The following DCAF7 variants were observed in gnomAD, a reference collection of about 807,000 sequenced individuals.
The protein encoded by DCAF7 is DDB1- and CUL4-associated factor 7.
In DCAF7, 4 loss-of-function variants were observed where a neutral mutation model predicts 41.2. The observed-to-expected ratio is 0.10, with a 90% CI of 0.05 to 0.22. The LOEUF (loss-of-function observed/expected upper bound fraction) is 0.22, where lower values mean the gene tolerates loss of function less well. DCAF7 is among the 10% of genes least tolerant of loss of function. The pLI is 1.00. For synonymous variants in DCAF7, 143 were observed against 164.2 expected, an observed-to-expected ratio of 0.87 and a Z score of 0.99; for missense variants, 131 against 443.2, an observed-to-expected ratio of 0.30 and a Z score of 6.32.
rs2033737020 is a variant in DCAF7, at chr17:63,591,882, T to G, written c.*2710T>G. The G allele has an allele frequency of 6.6e-6, 1 of 152,332 alleles. No homozygotes were observed. Among genetic ancestry groups the G allele is most frequent in the African/African-American group, 2.4e-5 (1 of 41,464 alleles). The allele number at this position is 152,332 out of a possible 1,614,324, so 9.4% of individuals were successfully genotyped here. A position where few individuals can be genotyped will look rare whatever the true frequency, so the allele number is the denominator to read the frequency against. On this transcript the variant is annotated 3_prime_UTR_variant, in exon 7 of 7. Transcript: ENST00000614556. ...GTGGCCCAGCTGGTGATGGCCCTTT[T>G]GCTCCTGGCAGCCTGAGGCACAGCT...
intron 6 of DCAF7, among the ~76,000 whole-genome samples, chr17:63,588,189 AT>A (rs377638787): frequency 9.5e-4 from 114 of 120,192 alleles, no homozygotes; most frequent in Admixed American, 1.8e-3. Context: ...ATTTTCTTGG[AT>A]TTTTTTTTTT....
intron 6 of DCAF7, 117 bp downstream of exon 6, chr17:63,585,445 A>G: frequency 2.1e-6 from 2 of 936,192 alleles, no homozygotes; most frequent in Non-Finnish European, 3.3e-6. Context: ...TTTATACAAA[A>G]TGACTAGTTG....
At position 63,591,230 on chromosome 17, in the gene DCAF7, G is replaced by C. The variant is rs1005494726; in HGVS notation, c.*2058G>C. 2.0e-5 allele frequency: 3 copies of C among 152,252 alleles called. No homozygotes were observed. Among genetic ancestry groups the C allele is most frequent in the Non-Finnish European group, 4.4e-5 (3 of 68,106 alleles). The allele number at this position is 152,252 out of a possible 1,614,324, so 9.4% of individuals were successfully genotyped here. On this transcript the variant is annotated 3_prime_UTR_variant, in exon 7 of 7. Transcript: ENST00000614556. ...GAAGGGTCTGAAATGGAAGTCAGTGGTAGAAGGGGCTGGTCTGCTGGGCAG... is the reference window on the plus strand; with the variant it reads ...GAAGGGTCTGAAATGGAAGTCAGTGCTAGAAGGGGCTGGTCTGCTGGGCAG...
chr17:63,573,686 C>T (rs1468008113), intron 1 of DCAF7, among the ~76,000 whole-genome samples: 3 of 151,086 alleles, frequency 2.0e-5, no homozygotes, highest in Non-Finnish European at 4.4e-5. Flanking sequence ...ACCAAGATTG[C>T]GCCATTGCAC....
At chr17:63,568,686 T>C (rs2033471649) in intron 1 of DCAF7, among the ~76,000 whole-genome samples, 1 of 152,178 alleles carries the variant, frequency 6.6e-6, no homozygotes, top group African/African-American at 2.4e-5. Context: ...AGGGAGGTTT[T>C]CATTCAAGGG....
At chr17:63,552,597 A>G (rs1276296051) in intron 1 of DCAF7, 1 of 152,232 alleles carries the variant, frequency 6.6e-6, no homozygotes, top group East Asian at 1.9e-4. Flanking sequence ...GTTTAAAGAT[A>G]CACGTGGAAA....
At chr17:63,553,755 G>A (rs951364076) in intron 1 of DCAF7, among the ~76,000 whole-genome samples, 2 of 152,166 alleles carry the variant, frequency 1.3e-5, no homozygotes, top group Non-Finnish European at 2.9e-5. Flanking sequence ...GCATAATCAT[G>A]TTTTCCTAAC....
At chr17:63,586,125 CAAAAAAA>C (rs545840925) in intron 6 of DCAF7, among the ~76,000 whole-genome samples, 7 of 58,440 alleles carry the variant, frequency 1.2e-4, no homozygotes, top group African/African-American at 1.8e-4. Context: ...ACTCTGTCTC[CAAAAAAA>C]AAAAAAAAAA....
intron 4 of DCAF7, among the ~76,000 whole-genome samples, chr17:63,580,685 A>G (rs936051440): frequency 2.0e-5 from 3 of 151,612 alleles, no homozygotes; most frequent in African/African-American, 7.3e-5. Context: ...CCCCTGGCTA[A>G]TTTTTGTATT....
intron 1 of DCAF7, among the ~76,000 whole-genome samples, chr17:63,574,312 T>G (rs1359547542): frequency 6.6e-6 from 1 of 152,210 alleles, no homozygotes; most frequent in African/African-American, 2.4e-5. Flanking sequence ...ATTATCTGTG[T>G]CATAAATAAG....
In DCAF7 at chr17:63,585,286, AT is replaced by A; in HGVS notation, c.816del (p.Ile272MetfsTer144). 6.2e-7 allele frequency: 1 copy of A among 1,613,998 alleles called. No individual in the cohort carries two copies. Among genetic ancestry groups the A allele is most frequent in the Non-Finnish European group, 8.5e-7 (1 of 1,179,892 alleles). On this transcript the variant is annotated frameshift_variant, in exon 6 of 7. Coordinates refer to ENST00000614556, the MANE Select transcript of DCAF7 (RefSeq NM_005828.5). LOFTEE classifies it high-confidence loss of function. The part of the protein sequence containing the change: ...LNNHRACVNG[I>X]AWAPHSSCHI... Reference sequence around the variant, plus strand: ...CAACCATCGAGCATGTGTCAATGGCATTGCTTGGGCCCCACATTCATCCTGC... The same window carrying A: ...CAACCATCGAGCATGTGTCAATGGCATGCTTGGGCCCCACATTCATCCTGC...
chr17:63,585,122 C>A, intron 5 of DCAF7, 89 bp from the exon 6 acceptor site: 1 of 1,061,362 alleles, frequency 9.4e-7, no homozygotes, highest in South Asian at 1.4e-5. Flanking sequence ...AAAATTATGC[C>A]TAAAAAGATT....
chr17:63,568,424 G>C (rs2033468510), intron 1 of DCAF7, among the ~76,000 whole-genome samples: 1 of 152,132 alleles, frequency 6.6e-6, no homozygotes, highest in African/African-American at 2.4e-5. Context: ...TTGGTTATCA[G>C]TTATATTAGG....
intron 1 of DCAF7, among the ~76,000 whole-genome samples, chr17:63,555,152 G>C (rs1354734106): frequency 6.6e-6 from 1 of 152,240 alleles, no homozygotes; most frequent in African/African-American, 2.4e-5. Context: ...ATTGGGAAAA[G>C]CTGGGTAGCA....
At chr17:63,580,459 G>A (rs912335391) in intron 4 of DCAF7, among the ~76,000 whole-genome samples, 7 of 148,534 alleles carry the variant, frequency 4.7e-5, no homozygotes, top group African/African-American at 7.5e-5. Flanking sequence ...TTTTGATGGC[G>A]ATGCTTCTGT....
At chr17:63,574,454 TG>T (rs2033539599) in intron 1 of DCAF7, among the ~76,000 whole-genome samples, 1 of 152,190 alleles carries the variant, frequency 6.6e-6, no homozygotes. Flanking sequence ...TGAAAGTCTG[TG>T]GGTGCTCCAT....
At chr17:63,576,830 C>T (rs1381555653) in intron 1 of DCAF7, among the ~76,000 whole-genome samples, 1 of 152,208 alleles carries the variant, frequency 6.6e-6, no homozygotes, top group Non-Finnish European at 1.5e-5. Context: ...TGGAGGATTG[C>T]TTAAGCCCAG....
intron 1 of DCAF7, among the ~76,000 whole-genome samples, chr17:63,570,996 G>A (rs2033500781): frequency 6.6e-6 from 1 of 152,130 alleles, no homozygotes; most frequent in Non-Finnish European, 1.5e-5. Flanking sequence ...GACCAGCTTG[G>A]CCAACATGGC....
intron 1 of DCAF7, among the ~76,000 whole-genome samples, chr17:63,554,534 C>G (rs2033291679): frequency 6.6e-6 from 1 of 152,216 alleles, no homozygotes; most frequent in Non-Finnish European, 1.5e-5. Context: ...CCAAGTTCAC[C>G]CATGAAAAAA....
Sources: allele counts gnomAD v4.1 joint callset (sites outside exome capture counted in the v4.1 genomes callset), GRCh38; gene constraint gnomAD v4.1.1; transcripts MANE v1.5; gene names NCBI Gene and HGNC (gene_info 2026-07-23, HGNC 2026-07-21).